Variants in ARHGAP44 observed in about 807,000 individuals in gnomAD.
ARHGAP44 encodes the protein rho GTPase-activating protein 44.
In ARHGAP44, 43 loss-of-function variants were observed where a neutral mutation model predicts 106.8. That is an observed-to-expected ratio of 0.40 (90% CI 0.32 to 0.52). The LOEUF (loss-of-function observed/expected upper bound fraction) is 0.52, where lower values mean the gene tolerates loss of function less well. Ranked by LOEUF, ARHGAP44 falls within the 20% of genes least tolerant of loss-of-function variation. The pLI is 0.48. For synonymous variants in ARHGAP44, 439 were observed against 410.3 expected, an observed-to-expected ratio of 1.07 and a Z score of -0.85; for missense variants, 866 against 1,050.5, an observed-to-expected ratio of 0.82 and a Z score of 2.43.
intron 19 of ARHGAP44, chr17:12,982,924 T>C (rs954697113): frequency 2.0e-5 from 3 of 152,220 alleles, no homozygotes; most frequent in African/African-American, 7.2e-5. Flanking sequence ...AAGGAAGAGC[T>C]TCTGACCTCT....
intron 1 of ARHGAP44, among the ~76,000 whole-genome samples, chr17:12,841,345 T>C (rs2035384555): frequency 6.6e-6 from 1 of 152,060 alleles, no homozygotes; most frequent in Non-Finnish European, 1.5e-5. Context: ...ATGCTTGTAA[T>C]TCTAACATTT....
At chr17:12,861,099 G>A (rs1172990074) in intron 1 of ARHGAP44, among the ~76,000 whole-genome samples, 1 of 151,908 alleles carries the variant, frequency 6.6e-6, no homozygotes, top group African/African-American at 2.4e-5. Context: ...CAAATGATCT[G>A]CCCACCTCGC....
At chr17:12,926,544 A>T (rs1268560733) in intron 6 of ARHGAP44, among the ~76,000 whole-genome samples, 1 of 145,402 alleles carries the variant, frequency 6.9e-6, no homozygotes, top group Non-Finnish European at 1.5e-5. Context: ...CATATATATT[A>T]TATATATAAC....
At chr17:12,846,534 A>C (rs1017250244) in intron 1 of ARHGAP44, among the ~76,000 whole-genome samples, 1 of 152,236 alleles carries the variant, frequency 6.6e-6, no homozygotes, top group Non-Finnish European at 1.5e-5. Context: ...CATTACACTG[A>C]TACATTGTAA....
chr17:12,844,555 A>G (rs982179962), intron 1 of ARHGAP44, among the ~76,000 whole-genome samples: 4 of 152,206 alleles, frequency 2.6e-5, no homozygotes, highest in African/African-American at 9.7e-5. Context: ...TTCAAATCAT[A>G]GCACTCACCT....
chr17:12,957,790 G>A (rs981116498), intron 15 of ARHGAP44, among the ~76,000 whole-genome samples: 20 of 152,188 alleles, frequency 1.3e-4, no homozygotes, highest in African/African-American at 4.1e-4. Context: ...TGTACCGTAT[G>A]TTTGGTAGAC....
At chr17:12,891,190 C>T (rs2037034514) in intron 1 of ARHGAP44, among the ~76,000 whole-genome samples, 1 of 152,204 alleles carries the variant, frequency 6.6e-6, no homozygotes, top group Non-Finnish European at 1.5e-5. Context: ...TTCTAGCCTG[C>T]TCTTCCAGAC....
chr17:12,968,626 A>G (rs72815127), intron 16 of ARHGAP44, among the ~76,000 whole-genome samples: 26,189 of 151,998 alleles, frequency 0.17, 2,414 homozygotes, highest in Admixed American at 0.24. Context: ...CTGAAACCCA[A>G]ATTGGGTCAT....
chr17:12,895,116 C>T (rs1014831381), intron 2 of ARHGAP44, 137 bp downstream of exon 2: 13 of 721,342 alleles, frequency 1.8e-5, no homozygotes, highest in African/African-American at 7.3e-5. Context: ...GGCGATACAG[C>T]GAGACTCTGT....
chr17:12,900,294 T>A (rs575608601), intron 3 of ARHGAP44, among the ~76,000 whole-genome samples: 2 of 152,082 alleles, frequency 1.3e-5, no homozygotes, highest in East Asian at 3.9e-4. Flanking sequence ...CACGCCCAGA[T>A]AATTTTGGTA....
At chr17:12,970,588 G>C (rs1312609295) in intron 16 of ARHGAP44, among the ~76,000 whole-genome samples, 1 of 152,116 alleles carries the variant, frequency 6.6e-6, no homozygotes, top group Non-Finnish European at 1.5e-5. Context: ...ATTGTTTTCA[G>C]TTTTCAGCAG....
intron 1 of ARHGAP44, among the ~76,000 whole-genome samples, chr17:12,880,930 A>G (rs1321635816): frequency 1.3e-5 from 2 of 152,188 alleles, no homozygotes; most frequent in South Asian, 2.1e-4. Context: ...TTTTACCAAA[A>G]TGGCAGATAT....
intron 18 of ARHGAP44, among the ~76,000 whole-genome samples, chr17:12,975,854 C>T (rs566153198): frequency 6.0e-5 from 9 of 149,670 alleles, no homozygotes; most frequent in East Asian, 2.0e-4. Flanking sequence ...AAAAAGTTCA[C>T]GTTCCAGTGA....
intron 7 of ARHGAP44, among the ~76,000 whole-genome samples, chr17:12,934,991 T>C (rs941224435): frequency 6.6e-6 from 1 of 152,188 alleles, no homozygotes; most frequent in Non-Finnish European, 1.5e-5. Flanking sequence ...ATTTTTATTA[T>C]GATTTCTGAA....
intron 1 of ARHGAP44, among the ~76,000 whole-genome samples, chr17:12,813,603 G>A (rs1567627151): frequency 6.6e-6 from 1 of 152,092 alleles, no homozygotes; most frequent in Non-Finnish European, 1.5e-5. Context: ...GAATTAATCT[G>A]TATCTGCTCC....
chr17:12,821,812 C>T (rs1251279980), intron 1 of ARHGAP44, among the ~76,000 whole-genome samples: 7 of 152,056 alleles, frequency 4.6e-5, no homozygotes, highest in African/African-American at 1.7e-4. Flanking sequence ...ATTAAAAAAA[C>T]AACATCTCAG....
At chr17:12,951,228 C>A (rs554373797) in intron 12 of ARHGAP44, among the ~76,000 whole-genome samples, 3 of 152,306 alleles carry the variant, frequency 2.0e-5, no homozygotes, top group Non-Finnish European at 2.9e-5. Context: ...GTGTTTTTAA[C>A]TCCTGTAATT....
At chr17:12,907,705 G>A (rs1017314581) in intron 3 of ARHGAP44, among the ~76,000 whole-genome samples, 5 of 152,048 alleles carry the variant, frequency 3.3e-5, no homozygotes, top group African/African-American at 1.2e-4. Flanking sequence ...CATTTTGTCT[G>A]TCCATTTATT....
At chr17:12,866,056 G>T (rs1206822850) in intron 1 of ARHGAP44, among the ~76,000 whole-genome samples, 2 of 152,096 alleles carry the variant, frequency 1.3e-5, no homozygotes, top group African/African-American at 4.8e-5. Flanking sequence ...GTGGGAGTTG[G>T]GGGTGGAAGA....
Sources: gnomAD v4.1 joint callset for allele counts (sites outside exome capture counted in the v4.1 genomes callset) on GRCh38, gnomAD v4.1.1 for gene constraint, MANE v1.5 for transcripts, NCBI Gene and HGNC (gene_info 2026-07-23, HGNC 2026-07-21) for gene names.